The following IL7 variants were observed in gnomAD, a reference collection of about 807,000 sequenced individuals.
IL7 encodes the protein interleukin-7.
IL7 carries 3 observed loss-of-function variants against 21.6 expected under a neutral mutation model. The ratio of observed to expected loss-of-function variants is 0.14; its 90% CI spans 0.06 to 0.36. The LOEUF (loss-of-function observed/expected upper bound fraction) is 0.36. Among genes scored for constraint, IL7 ranks in the 10% least tolerant of loss-of-function variants. The probability of loss-of-function intolerance (pLI) is 1.00; values close to 1 mark genes in which losing one functional copy is unlikely to be tolerated. For missense variants in IL7, 175 were observed against 200.2 expected (o/e 0.87, Z 0.76); for synonymous variants, 62 against 68.1 (o/e 0.91, Z 0.44).
At chr8:78,707,585 G>A (rs1486328545) in intron 3 of IL7, among the ~76,000 whole-genome samples, 2 of 152,176 alleles carry the variant, frequency 1.3e-5, no homozygotes, top group Non-Finnish European at 2.9e-5. Flanking sequence ...TGTCAGTTGT[G>A]CATTGCTTAT....
intron 2 of IL7, among the ~76,000 whole-genome samples, chr8:78,745,963 TCTC>T (rs746586308): frequency 5.3e-5 from 8 of 152,150 alleles, no homozygotes; most frequent in African/African-American, 9.7e-5. Flanking sequence ...TGTCAAGTCT[TCTC>T]CTGCTTTTCT....
intron 2 of IL7, among the ~76,000 whole-genome samples, chr8:78,780,287 TG>T (rs1813285399): frequency 6.6e-6 from 1 of 152,174 alleles, no homozygotes; most frequent in Non-Finnish European, 1.5e-5. Context: ...GTGGTTTGTT[TG>T]CCCTTGGTTC....
intron 2 of IL7, among the ~76,000 whole-genome samples, chr8:78,766,085 T>C (rs1351160878): frequency 1.3e-5 from 2 of 152,118 alleles, no homozygotes; most frequent in Admixed American, 6.5e-5. Flanking sequence ...AAAAAGGCTA[T>C]ATACAGTTTG....
chr8:78,729,414 G>A (rs1375156969), downstream of IL7, among the ~76,000 whole-genome samples: 1 of 151,944 alleles, frequency 6.6e-6, no homozygotes, highest in East Asian at 1.9e-4. Flanking sequence ...TTATTCAAAC[G>A]TTGGAGCTTC....
intron 3 of IL7, among the ~76,000 whole-genome samples, chr8:78,698,920 C>A (rs534993384): frequency 1.3e-5 from 2 of 152,242 alleles, no homozygotes; most frequent in South Asian, 4.1e-4. Flanking sequence ...TCAGTTTGCT[C>A]AAAGCCACAT....
At chr8:78,755,493 C>T (rs1441718945) in intron 2 of IL7, among the ~76,000 whole-genome samples, 1 of 151,822 alleles carries the variant, frequency 6.6e-6, no homozygotes, top group East Asian at 1.9e-4. Flanking sequence ...GTATTCTCTT[C>T]AGTCTTTCAT....
rs1384369377 is a variant in IL7, at chr8:78,803,809, C to T, written c.10+1104G>A. 2.0e-5 allele frequency among the ~76,000 whole-genome samples: 3 copies of T among 152,154 alleles called. No individual in the cohort carries two copies. In the East Asian group the frequency reaches 5.8e-4, roughly 29 times the overall value. Reference sequence around the variant, plus strand: ...ATTCCTTAGAAGTCCTCCATAATTACGTTGGCTATTCTTTCCGCTCTCTCT... The same window carrying T: ...ATTCCTTAGAAGTCCTCCATAATTATGTTGGCTATTCTTTCCGCTCTCTCT... On this transcript the variant is annotated intron_variant, in intron 1 of 5. Coordinates refer to ENST00000263851, the MANE Select transcript of IL7 (RefSeq NM_000880.4).
At chr8:78,724,869 A>G (rs1433566071) in intron 3 of IL7, among the ~76,000 whole-genome samples, 1 of 152,032 alleles carries the variant, frequency 6.6e-6, no homozygotes, top group East Asian at 1.9e-4. Context: ...TCAAGGAGGA[A>G]GAGGTCTTAT....
chr8:78,779,858 G>T (rs958032604), intron 2 of IL7, among the ~76,000 whole-genome samples: 3 of 152,022 alleles, frequency 2.0e-5, no homozygotes, highest in African/African-American at 4.8e-5. Context: ...CTCTAAATCT[G>T]TCTGGTCGCG....
At chr8:78,726,813 G>A (rs1297208509) in intron 3 of IL7, among the ~76,000 whole-genome samples, 1 of 151,874 alleles carries the variant, frequency 6.6e-6, no homozygotes, top group Non-Finnish European at 1.5e-5. Flanking sequence ...GTTTGTTATC[G>A]ACTCAACTAC....
chr8:78,682,311 A>G (rs1809813510), intron 4 of IL7, among the ~76,000 whole-genome samples: 1 of 152,092 alleles, frequency 6.6e-6, no homozygotes, highest in African/African-American at 2.4e-5. Flanking sequence ...GTATTAGTCC[A>G]TTTTCCTACT....
intron 3 of IL7, among the ~76,000 whole-genome samples, chr8:78,704,827 C>T (rs188459872): frequency 3.7e-4 from 56 of 152,188 alleles, no homozygotes; most frequent in East Asian, 7.7e-4. Context: ...TTCTTGTCAG[C>T]GTGTCTTATT....
intron 2 of IL7, among the ~76,000 whole-genome samples, chr8:78,787,091 C>G (rs781106321): frequency 6.6e-6 from 1 of 152,156 alleles, no homozygotes; most frequent in Non-Finnish European, 1.5e-5. Flanking sequence ...TTCATCTGTA[C>G]CTTTGTAATA....
chr8:78,762,292 A>G, intron 2 of IL7: 4 of 1,591,694 alleles, frequency 2.5e-6, no homozygotes, highest in Admixed American at 1.7e-5. Context: ...CAGGTGTTTT[A>G]TCTTCTAAGT....
intron 2 of IL7, among the ~76,000 whole-genome samples, chr8:78,794,858 A>G (rs1300479021): frequency 6.6e-6 from 1 of 152,108 alleles, no homozygotes; most frequent in African/African-American, 2.4e-5. Flanking sequence ...AGCTTCTTGA[A>G]AAAAGATCTG....
At chr8:78,707,286 A>C (rs1290155897) in intron 3 of IL7, among the ~76,000 whole-genome samples, 1 of 152,180 alleles carries the variant, frequency 6.6e-6, no homozygotes, top group Non-Finnish European at 1.5e-5. Flanking sequence ...GGCAATATTA[A>C]ATTGTACTGA....
At chr8:78,793,279 T>C (rs1813753220) in intron 2 of IL7, among the ~76,000 whole-genome samples, 1 of 152,114 alleles carries the variant, frequency 6.6e-6, no homozygotes, top group Admixed American at 6.6e-5. Context: ...GTAGAATATT[T>C]CTTTTGGCAA....
intron 2 of IL7, among the ~76,000 whole-genome samples, chr8:78,767,273 G>A (rs1028136708): frequency 6.6e-6 from 1 of 151,924 alleles, no homozygotes; most frequent in African/African-American, 2.4e-5. Context: ...GTGTGAACAA[G>A]TGAGTGTGTG....
intron 3 of IL7, among the ~76,000 whole-genome samples, chr8:78,707,249 T>C (rs1810801773): frequency 6.6e-6 from 1 of 152,248 alleles, no homozygotes; most frequent in Admixed American, 6.5e-5. Context: ...TTTCAGTATT[T>C]CTATAGTACT....
Sources: allele counts gnomAD v4.1 joint callset (sites outside exome capture counted in the v4.1 genomes callset), GRCh38; gene constraint gnomAD v4.1.1; transcripts MANE v1.5; gene names NCBI Gene and HGNC (gene_info 2026-07-23, HGNC 2026-07-21).